DRC7: variants seen among roughly 807,000 people sequenced by gnomAD.
DRC7 encodes the protein coiled-coil domain containing 135.
In DRC7, 80 loss-of-function variants were observed where a neutral mutation model predicts 104.4. The ratio of observed to expected loss-of-function variants is 0.77; its 90% CI spans 0.64 to 0.92. The LOEUF is 0.92. Among genes scored for constraint, DRC7 ranks in the 40% least tolerant of loss-of-function variants. DRC7 has a pLI of 0.00. For missense variants in DRC7, 1,034 were observed against 1,141.1 expected (o/e 0.91, Z 1.35); for synonymous variants, 405 against 447.3 (o/e 0.91, Z 1.19).
intron 1 of DRC7, among the ~76,000 whole-genome samples, chr16:57,695,631 G>A (rs904283523): frequency 3.3e-5 from 5 of 152,244 alleles, no homozygotes; most frequent in African/African-American, 1.2e-4. Context: ...GTTCTCCCCT[G>A]AGGATCTGGG....
intron 6 of DRC7, among the ~76,000 whole-genome samples, chr16:57,702,494 A>T (rs919194676): frequency 1.3e-5 from 2 of 152,224 alleles, no homozygotes; most frequent in Admixed American, 6.5e-5. Context: ...AAATCCAGCC[A>T]GCCATTTTTA....
chr16:57,726,009 A>G (rs1348960856), intron 13 of DRC7, 59 bp from the exon 14 acceptor site: 1 of 1,479,108 alleles, frequency 6.8e-7, no homozygotes, highest in Non-Finnish European at 9.3e-7. Context: ...GGGCATGCAC[A>G]GAAATCTCCT....
intron 8 of DRC7, among the ~76,000 whole-genome samples, chr16:57,708,802 T>G (rs536249300): frequency 6.6e-6 from 1 of 152,198 alleles, no homozygotes; most frequent in Non-Finnish European, 1.5e-5. Context: ...GTAGTGGACA[T>G]GTAATGGTAT....
chr16:57,700,153 G>A lies in DRC7; in HGVS notation c.387G>A (p.Val129=), dbSNP rs762829966. The part of the protein sequence containing the change: ...PLNECEVPKF[V]STTLRPTLMP... ...CATCTCTCTCCTTGCAGAAGTTCGT[G>A]AGCACAACCCTCCGGCCCACACTGA... is the stretch of plus-strand genomic sequence containing the variant. The change falls in exon 5 of 19, where the codon GTG becomes GTA. Residue 129 remains valine (V), a synonymous_variant. Transcript: ENST00000360716. The A allele has an allele frequency of 6.2e-7, 1 of 1,613,782 alleles. No individual in the cohort carries two copies. The highest frequency in any genetic ancestry group is 8.5e-7 in the Non-Finnish European group (1 of 1,179,756).
chr16:57,729,348 GA>G (rs2049018073), intron 17 of DRC7, among the ~76,000 whole-genome samples: 1 of 140,266 alleles, frequency 7.1e-6, no homozygotes, highest in African/African-American at 2.9e-5. Context: ...ATGGGTGGAT[GA>G]GTGAGTGAGT....
chr16:57,695,447 G>T (rs1454811579), intron 1 of DRC7, among the ~76,000 whole-genome samples: 1 of 152,198 alleles, frequency 6.6e-6, no homozygotes, highest in Non-Finnish European at 1.5e-5. Flanking sequence ...AGTCAGTAGA[G>T]GATAAGTGAG....
At position 57,722,692 on chromosome 16, in the gene DRC7, C is replaced by T. The variant is rs371441712; in HGVS notation, c.1280-21C>T. ...TTCCCCCAAACTAGCAAGAAGAGAC[C>T]ACAGCTGACTGTGTCCACAGCATTT... On this transcript the variant is annotated intron_variant, in intron 10 of 18. Transcript: ENST00000360716. The T allele has an allele frequency of 1.8e-5, 29 of 1,612,808 alleles. No individual in the cohort carries two copies. In the African/African-American group the frequency reaches 3.6e-4, roughly 20 times the overall value.
intron 8 of DRC7, among the ~76,000 whole-genome samples, chr16:57,711,204 T>C (rs2048788718): frequency 6.6e-6 from 1 of 152,244 alleles, no homozygotes; most frequent in Non-Finnish European, 1.5e-5. Context: ...TTCAAGAAAT[T>C]TGTCCATTTC....
Position 57,731,011 on chromosome 16 carries a change from C to T in DRC7, c.2472C>T (p.Tyr824=), listed in dbSNP as rs142387530. 816 of 1,613,692 alleles carry T rather than the reference C, an allele frequency of 5.1e-4. 1 individual carries two copies. Among genetic ancestry groups the T allele is most frequent in the Middle Eastern group, 2.5e-3 (15 of 6,060 alleles). The change falls in exon 18 of 19, where the codon TAC becomes TAT. Residue 824 remains tyrosine, a synonymous_variant. Coordinates refer to ENST00000360716, the MANE Select transcript of DRC7 (RefSeq NM_001289162.2). ...VTLTPEDEDL[Y]LSYCSQAMFR... is the part of the protein sequence containing the mutation. ...TGACACCCGAGGATGAAGACCTGTA[C>T]CTGAGTTACTGCTCTCAGGCCATGT...
At position 57,698,168 on chromosome 16, in the gene DRC7, T is replaced by TAGACC. The variant is rs1455253318; in HGVS notation, c.203+16_203+17insAGACC. The TAGACC allele has an allele frequency of 6.8e-6, 11 of 1,612,794 alleles. No individual in the cohort carries two copies. The highest frequency in any genetic ancestry group is 9.3e-6 in the Non-Finnish European group (11 of 1,179,766). ...CGGAGCTCCCGTGAGTGTGGCAGGG[T>TAGACC]GGGGGCCCTGGCAAGGGTAGACCGG... On this transcript the variant is annotated intron_variant, in intron 3 of 18. Coordinates refer to ENST00000360716, the MANE Select transcript of DRC7 (RefSeq NM_001289162.2).
Position 57,696,834 on chromosome 16 carries a change from C to A in DRC7, c.-38+240C>A, listed in dbSNP as rs559184043. Among the ~76,000 whole-genome samples, 233 of 152,336 alleles carry A rather than the reference C, an allele frequency of 1.5e-3. 1 individual carries two copies. Among genetic ancestry groups the A allele is most frequent in the Non-Finnish European group, 2.7e-3 (183 of 68,028 alleles). On this transcript the variant is annotated intron_variant, in intron 2 of 18. Transcript: ENST00000360716. Reference sequence around the variant, plus strand: ...TTCCCAGTTTGATCAGGTGAGATATCATTCACCTGCCATCCTCATTTTTGG... The same window carrying A: ...TTCCCAGTTTGATCAGGTGAGATATAATTCACCTGCCATCCTCATTTTTGG...
chr16:57,726,625 G>T lies in DRC7; in HGVS notation c.1975-207G>T. 3 of 556,914 alleles carry T rather than the reference G, an allele frequency of 5.4e-6. No homozygotes were observed. The South Asian group carries it at 6.6e-5, about 12-fold the overall frequency. The allele number at this position is 556,914 out of a possible 1,614,324, so 34.5% of individuals were successfully genotyped here. On this transcript the variant is annotated intron_variant, in intron 14 of 18. Transcript: ENST00000360716. The stretch of plus-strand genomic sequence containing the variant: ...TTCCTAGTCAAACGCTCACTCTCCC[G>T]GCACAGTCCCCAGCTTTTCTGAGTC...
intron 17 of DRC7, 85 bp from the exon 18 acceptor site, chr16:57,730,846 C>T (rs1233096139): frequency 2.0e-5 from 29 of 1,456,594 alleles, no homozygotes; most frequent in Non-Finnish European, 2.7e-5. Context: ...ATGGTGCTGT[C>T]TAGTGACCCA....
At chr16:57,728,251 T>TAAG (rs1597814074) in intron 16 of DRC7, 139 bp from the exon 17 acceptor site, 1 of 722,066 alleles carries the variant, frequency 1.4e-6, no homozygotes, top group East Asian at 2.8e-5. Flanking sequence ...TGGGCCCTTC[T>TAAG]AAGGCCCATC....
At chr16:57,716,502 GA>G (rs57994446) in intron 8 of DRC7, among the ~76,000 whole-genome samples, 24,458 of 118,632 alleles carry the variant, frequency 0.21, 2,122 homozygotes, top group East Asian at 0.31. Context: ...GACTCCATCT[GA>G]AAAAAAAAAA....
chr16:57,726,195 C>T lies in DRC7; in HGVS notation c.1886C>T (p.Ala629Val). Reference protein sequence around the residue: ...RYHCREDHITASKREFLRRTE... With the variant: ...RYHCREDHITVSKREFLRRTE... ...CACTGCCGTGAGGACCACATCACGG[C>T]CTCCAAGCGCGAGTTCCTGCGGCGC... The change falls in exon 14 of 19, where the codon GCC (alanine) becomes GTC (valine). Residue 629 changes from alanine to valine, a missense_variant. By Grantham distance (64) the Ala-to-Val change is moderately conservative (BLOSUM62 0). Transcript: ENST00000360716. The T allele has an allele frequency of 1.9e-6, 3 of 1,613,246 alleles. No homozygotes were observed. Among genetic ancestry groups the T allele is most frequent in the Non-Finnish European group, 2.5e-6 (3 of 1,180,008 alleles).
intron 8 of DRC7, among the ~76,000 whole-genome samples, chr16:57,713,466 T>TTC (rs1395646108): frequency 0.013 from 2,008 of 152,302 alleles, 49 homozygotes; most frequent in African/African-American, 0.045. Context: ...TGAATTAACC[T>TTC]CTCTATCGGT....
intron 9 of DRC7, 75 bp downstream of exon 9, chr16:57,718,550 C>T (rs1285213009): frequency 6.4e-7 from 1 of 1,563,208 alleles, no homozygotes; most frequent in East Asian, 2.3e-5. Flanking sequence ...TCCCCAGCAG[C>T]ATATGTGTGG....
At chr16:57,715,252 T>C (rs1428599728) in intron 8 of DRC7, among the ~76,000 whole-genome samples, 2 of 151,998 alleles carry the variant, frequency 1.3e-5, no homozygotes, top group Non-Finnish European at 2.9e-5. Flanking sequence ...GTTTCACCAT[T>C]TTGGCCAGGC....
Sources: allele counts gnomAD v4.1 joint callset (sites outside exome capture counted in the v4.1 genomes callset), GRCh38; gene constraint gnomAD v4.1.1; transcripts MANE v1.5; gene names NCBI Gene and HGNC (gene_info 2026-07-23, HGNC 2026-07-21).